The following RANBP2 variants were observed in gnomAD, a reference collection of about 807,000 sequenced individuals.
RANBP2 encodes the protein RAN binding protein 2.
RANBP2 carries 57 observed loss-of-function variants against 303.6 expected under a neutral mutation model. The ratio of observed to expected loss-of-function variants is 0.19; its 90% CI spans 0.15 to 0.23. The LOEUF (loss-of-function observed/expected upper bound fraction) is 0.23, where lower values mean the gene tolerates loss of function less well. Among genes scored for constraint, RANBP2 ranks in the 10% least tolerant of loss-of-function variants. RANBP2 has a pLI of 1.00. For missense variants in RANBP2, 3,138 were observed against 3,780.8 expected, an observed-to-expected ratio of 0.83 and a Z score of 4.46; for synonymous variants, 1,167 against 1,301.5, an observed-to-expected ratio of 0.90 and a Z score of 2.23.
At chr2:108,897,074 C>T in the RANBP2 span, 34 of 1,614,154 alleles carry the variant, frequency 2.1e-5, no homozygotes, top group Middle Eastern at 2.6e-3. Flanking sequence ...AGTTGCATGC[C>T]GTCTGTCATG....
chr2:109,348,240 C>A, the RANBP2 span, among the ~76,000 whole-genome samples: 1 of 152,218 alleles, frequency 6.6e-6, no homozygotes, highest in Non-Finnish European at 1.5e-5. Flanking sequence ...AGGAGCAGAA[C>A]CCTCAGTTAA....
the RANBP2 span, among the ~76,000 whole-genome samples, chr2:109,119,646 T>C: frequency 6.6e-6 from 1 of 152,184 alleles, no homozygotes; most frequent in Admixed American, 6.5e-5. Context: ...TGCATACAAG[T>C]TTAAGTATTT....
chr2:109,214,140 G>A, the RANBP2 span, among the ~76,000 whole-genome samples: 8 of 152,198 alleles, frequency 5.3e-5, no homozygotes, highest in South Asian at 6.2e-4. Flanking sequence ...CCCATGCTGC[G>A]TCTAGGTAGG....
chr2:109,481,107 G>A, the RANBP2 span, among the ~76,000 whole-genome samples: 222 of 152,336 alleles, frequency 1.5e-3, 1 homozygote, highest in African/African-American at 5.1e-3. Flanking sequence ...TCTGACAGCT[G>A]TTCAGAAAGG....
the RANBP2 span, among the ~76,000 whole-genome samples, chr2:109,134,790 G>A: frequency 6.6e-6 from 1 of 152,126 alleles, no homozygotes; most frequent in African/African-American, 2.4e-5. Flanking sequence ...TCCATTCACC[G>A]TGCCTCACGG....
chr2:108,867,614 A>G, the RANBP2 span, among the ~76,000 whole-genome samples: 1 of 152,220 alleles, frequency 6.6e-6, no homozygotes, highest in South Asian at 2.1e-4. Flanking sequence ...CCTCCTTCCA[A>G]AAAGGAATGA....
chr2:109,641,021 A>T, the RANBP2 span, among the ~76,000 whole-genome samples: 1,507 of 152,348 alleles, frequency 9.9e-3, 11 homozygotes, highest in Non-Finnish European at 0.017. Flanking sequence ...GGGATGTCTA[A>T]AAAGTACATA....
the RANBP2 span, among the ~76,000 whole-genome samples, chr2:109,146,881 T>TTC: frequency 1.3e-4 from 1 of 7,812 alleles, no homozygotes; most frequent in Non-Finnish European, 2.1e-4. Context: ...TCTTCTTTTT[T>TTC]CCCTCCCCCC....
the RANBP2 span, among the ~76,000 whole-genome samples, chr2:109,487,596 C>T: frequency 6.6e-6 from 1 of 152,206 alleles, no homozygotes; most frequent in South Asian, 2.1e-4. Context: ...TTACGCACCC[C>T]ACCCTTTCCA....
chr2:109,427,748 C>T, the RANBP2 span, among the ~76,000 whole-genome samples: 13 of 152,224 alleles, frequency 8.5e-5, no homozygotes, highest in South Asian at 2.1e-4. Context: ...TCTCAACCCG[C>T]GTAACTGCCT....
chr2:109,278,600 A>G, the RANBP2 span, among the ~76,000 whole-genome samples: 1 of 152,206 alleles, frequency 6.6e-6, no homozygotes, highest in Non-Finnish European at 1.5e-5. Flanking sequence ...CATATAGGAT[A>G]AGCACCTGCT....
At chr2:108,950,824 C>G in the RANBP2 span, among the ~76,000 whole-genome samples, 1 of 152,254 alleles carries the variant, frequency 6.6e-6, no homozygotes, top group African/African-American at 2.4e-5. Context: ...ATTCTCAGCA[C>G]AGGGATGGCC....
At chr2:109,264,995 T>C in the RANBP2 span, among the ~76,000 whole-genome samples, 1 of 152,350 alleles carries the variant, frequency 6.6e-6, no homozygotes, top group South Asian at 2.1e-4. Context: ...AGCCGCATGC[T>C]CTGTCTTAGA....
chr2:109,026,920 G>T, the RANBP2 span, among the ~76,000 whole-genome samples: 1 of 152,052 alleles, frequency 6.6e-6, no homozygotes, highest in Non-Finnish European at 1.5e-5. Flanking sequence ...CAGGCATGGT[G>T]GTGGGCGTCT....
the RANBP2 span, among the ~76,000 whole-genome samples, chr2:109,483,423 G>C: frequency 2.0e-5 from 3 of 152,200 alleles, no homozygotes; most frequent in African/African-American, 7.2e-5. Flanking sequence ...GTATGCTCTC[G>C]GTGCCCAGCA....
At chr2:109,397,902 G>A in the RANBP2 span, among the ~76,000 whole-genome samples, 1 of 152,240 alleles carries the variant, frequency 6.6e-6, no homozygotes, top group Non-Finnish European at 1.5e-5. Flanking sequence ...CACAACGCCT[G>A]CTATCTTGTA....
the RANBP2 span, among the ~76,000 whole-genome samples, chr2:109,041,525 A>ATTT: frequency 1.5e-4 from 22 of 142,034 alleles, no homozygotes; most frequent in Non-Finnish European, 2.3e-4. Flanking sequence ...ACGGATGTTA[A>ATTT]TTTTTTTTTT....
At chr2:109,138,858 G>A in the RANBP2 span, among the ~76,000 whole-genome samples, 1 of 152,212 alleles carries the variant, frequency 6.6e-6, no homozygotes, top group East Asian at 1.9e-4. Flanking sequence ...CAAATACTGT[G>A]TTAAGCACTG....
Position 108,772,926 on chromosome 2 carries a change from A to G in RANBP2, c.8172A>G (p.Ala2724=), listed in dbSNP as rs1677610870. Residue 2724 remains alanine (A), a synonymous_variant, in exon 23 of 29, where the codon GCA becomes GCG. Coordinates refer to ENST00000283195, the MANE Select transcript of RANBP2 (RefSeq NM_006267.5). The part of the protein sequence containing the change: ...WEKKPTVEEK[A]KADTLKLPPT... Reference sequence around the variant, plus strand: ...AGAAACCAACAGTTGAAGAGAAGGCAAAAGCAGATACGTTAAAACTTCCAC... The same window carrying G: ...AGAAACCAACAGTTGAAGAGAAGGCGAAAGCAGATACGTTAAAACTTCCAC... 3 of 1,614,120 alleles carry G rather than the reference A, an allele frequency of 1.9e-6. No homozygotes were observed. The highest frequency in any genetic ancestry group is 1.7e-5 in the Admixed American group (1 of 60,028).
Sources: allele counts gnomAD v4.1 joint callset (sites outside exome capture counted in the v4.1 genomes callset), GRCh38; gene constraint gnomAD v4.1.1; transcripts MANE v1.5; gene names NCBI Gene and HGNC (gene_info 2026-07-23, HGNC 2026-07-21).